CADM2: variants seen among roughly 807,000 people sequenced by gnomAD.
CADM2 encodes the protein cell adhesion molecule 2, also known as immunoglobulin superfamily member 4D.
Under a neutral mutation model 49.8 loss-of-function variants are expected in CADM2, and 12 were observed. The ratio of observed to expected loss-of-function variants is 0.24; its 90% CI spans 0.15 to 0.39. The LOEUF (loss-of-function observed/expected upper bound fraction) is 0.39. Ranked by LOEUF, CADM2 falls within the 10% of genes least tolerant of loss-of-function variation. The pLI is 1.00. For synonymous variants in CADM2, 214 were observed against 175.4 expected (o/e 1.22, Z -1.74); for missense variants, 378 against 492.3 (o/e 0.77, Z 2.20).
intron 1 of CADM2, among the ~76,000 whole-genome samples, chr3:85,714,496 G>A (rs1419998185): frequency 2.6e-5 from 4 of 151,710 alleles, no homozygotes; most frequent in Non-Finnish European, 2.9e-5. Flanking sequence ...GTGGGATCTC[G>A]GCTCACTGCA....
At chr3:85,999,530 G>C (rs1323462770) in intron 8 of CADM2, among the ~76,000 whole-genome samples, 1 of 144,374 alleles carries the variant, frequency 6.9e-6, no homozygotes, top group African/African-American at 2.6e-5. Context: ...AAGAAAGAAG[G>C]AAGGAAGGAA....
At chr3:86,020,201 A>G (rs924351657) in intron 8 of CADM2, among the ~76,000 whole-genome samples, 37 of 152,152 alleles carry the variant, frequency 2.4e-4, no homozygotes, top group Non-Finnish European at 2.4e-4. Flanking sequence ...AGAGAATACT[A>G]CAAACACCTC....
chr3:85,704,866 AT>A (rs531343116), intron 1 of CADM2, among the ~76,000 whole-genome samples: 2,638 of 144,726 alleles, frequency 0.018, 33 homozygotes, highest in Middle Eastern at 0.046. Context: ...TATTATTATT[AT>A]TTTTTTTTTT....
At chr3:85,107,109 A>C (rs1434406880) in intron 1 of CADM2, among the ~76,000 whole-genome samples, 2 of 152,188 alleles carry the variant, frequency 1.3e-5, no homozygotes, top group Non-Finnish European at 2.9e-5. Flanking sequence ...GTCCCATTTT[A>C]CAAAGGTATG....
At chr3:85,584,451 G>A (rs1004207934) in intron 1 of CADM2, among the ~76,000 whole-genome samples, 3 of 151,978 alleles carry the variant, frequency 2.0e-5, no homozygotes, top group Admixed American at 2.0e-4. Context: ...AAAGAAATTC[G>A]AAGACTTAAC....
intron 1 of CADM2, among the ~76,000 whole-genome samples, chr3:85,166,394 T>C (rs549913613): frequency 1.5e-3 from 223 of 151,946 alleles, no homozygotes; most frequent in African/African-American, 4.8e-3. Context: ...GAAAGCATGA[T>C]ATATGAGAAT....
chr3:85,973,408 C>A (rs1726396855), intron 8 of CADM2, among the ~76,000 whole-genome samples: 1 of 151,674 alleles, frequency 6.6e-6, no homozygotes, highest in Non-Finnish European at 1.5e-5. Flanking sequence ...GCACCTACCA[C>A]ATTGAAAGCA....
At chr3:85,721,342 G>T (rs2107767416) in intron 1 of CADM2, among the ~76,000 whole-genome samples, 1 of 152,268 alleles carries the variant, frequency 6.6e-6, no homozygotes, top group African/African-American at 2.4e-5. Context: ...GATCTTTGGG[G>T]TGTCGTTTTT....
chr3:85,323,855 G>A (rs1187224456), intron 1 of CADM2, among the ~76,000 whole-genome samples: 2 of 152,142 alleles, frequency 1.3e-5, no homozygotes, highest in Admixed American at 1.3e-4. Context: ...CTGAAGTACA[G>A]ATGTGATTAA....
chr3:85,589,489 G>A (rs1023742639), intron 1 of CADM2, among the ~76,000 whole-genome samples: 1 of 151,964 alleles, frequency 6.6e-6, no homozygotes, highest in African/African-American at 2.4e-5. Context: ...TCTCAGAATT[G>A]TTCTGTCATA....
intron 1 of CADM2, among the ~76,000 whole-genome samples, chr3:85,518,657 C>A (rs2060959952): frequency 6.6e-6 from 1 of 152,164 alleles, no homozygotes; most frequent in Non-Finnish European, 1.5e-5. Context: ...CCTTCCAACT[C>A]CTGGTGGCTG....
At chr3:85,194,965 C>T (rs1196084670) in intron 1 of CADM2, among the ~76,000 whole-genome samples, 2 of 151,990 alleles carry the variant, frequency 1.3e-5, no homozygotes, top group South Asian at 4.1e-4. Flanking sequence ...GCCTCAGCCT[C>T]CTGAGTGGCT....
At chr3:85,725,334 A>G (rs1247979979) in intron 1 of CADM2, among the ~76,000 whole-genome samples, 2 of 151,952 alleles carry the variant, frequency 1.3e-5, no homozygotes, top group Non-Finnish European at 2.9e-5. Context: ...GCTCCAGGCA[A>G]CTTGAAAGAA....
At chr3:85,357,869 T>G (rs1383469761) in intron 1 of CADM2, among the ~76,000 whole-genome samples, 1 of 152,106 alleles carries the variant, frequency 6.6e-6, no homozygotes, top group Non-Finnish European at 1.5e-5. Context: ...ACATCAGACA[T>G]GATTGATAAA....
intron 1 of CADM2, among the ~76,000 whole-genome samples, chr3:85,423,146 C>T (rs2036251629): frequency 6.6e-6 from 1 of 152,088 alleles, no homozygotes; most frequent in African/African-American, 2.4e-5. Context: ...GATTTCTTCT[C>T]AGACCTCCAG....
intron 1 of CADM2, among the ~76,000 whole-genome samples, chr3:85,384,191 C>A (rs1373920848): frequency 6.6e-6 from 1 of 151,682 alleles, no homozygotes; most frequent in Non-Finnish European, 1.5e-5. Context: ...AAAACGACAT[C>A]CCATTGTTAT....
At chr3:85,939,468 A>AACACACACACACACACACACAC (rs373804679) in intron 7 of CADM2, among the ~76,000 whole-genome samples, 123 of 137,072 alleles carry the variant, frequency 9.0e-4, no homozygotes, top group Non-Finnish European at 1.2e-3. Flanking sequence ...AGTAAACGAA[A>AACACACACACACACACACACAC]ACACACACAC....
rs921723091 is a variant in CADM2, at chr3:84,959,511, GGGA to G, written c.-90_-88del. The G allele has an allele frequency of 8.2e-5, 100 of 1,224,196 alleles. No individual in the cohort carries two copies. In the African/African-American group the frequency reaches 1.1e-3, roughly 14 times the overall value. 75.8% of individuals were successfully genotyped at this position (1,224,196 alleles called of 1,614,324 possible). A position where few individuals can be genotyped will look rare whatever the true frequency, so the allele number is the denominator to read the frequency against. On this transcript the variant is annotated 5_prime_UTR_variant, in exon 1 of 10. Transcript: ENST00000383699. ...GGGGACGGTGGGTCCGGCGGGCGCCGGGAGGAGGACACCAGCGGAGCCCTGCAC... is the reference window on the plus strand; with the variant it reads ...GGGGACGGTGGGTCCGGCGGGCGCCGGGAGGACACCAGCGGAGCCCTGCAC...
At chr3:86,033,808 A>T (rs937009866) in intron 8 of CADM2, among the ~76,000 whole-genome samples, 7 of 146,972 alleles carry the variant, frequency 4.8e-5, no homozygotes, top group African/African-American at 1.5e-4. Flanking sequence ...AGTATATATA[A>T]TATACATAAT....
Sources: allele counts gnomAD v4.1 joint callset (sites outside exome capture counted in the v4.1 genomes callset), GRCh38; gene constraint gnomAD v4.1.1; transcripts MANE v1.5; gene names NCBI Gene and HGNC (gene_info 2026-07-23, HGNC 2026-07-21).